Variants in PIK3IP1 observed in about 807,000 individuals in gnomAD.
The protein encoded by PIK3IP1 is phosphoinositide-3-kinase interacting protein 1.
PIK3IP1 carries 28 observed loss-of-function variants against 30.7 expected under a neutral mutation model. The ratio of observed to expected loss-of-function variants is 0.91; its 90% confidence interval spans 0.68 to 1.25. The LOEUF is 1.25. PIK3IP1 is among the 50% of genes most tolerant of loss of function. The pLI, the probability that PIK3IP1 is intolerant of heterozygous loss-of-function variation, is 0.00. For synonymous variants in PIK3IP1, 159 were observed against 140.8 expected, an observed-to-expected ratio of 1.13 and a Z score of -0.91; for missense variants, 333 against 346.2, an observed-to-expected ratio of 0.96 and a Z score of 0.30.
chr22:31,290,773 T>A (rs1016556222), intron 3 of PIK3IP1, 192 bp downstream of exon 3: 25 of 777,266 alleles, frequency 3.2e-5, no homozygotes, highest in Non-Finnish European at 4.3e-5. Context: ...TCGCGGCGGA[T>A]GAGCTCATAC....
intron 5 of PIK3IP1, 77 bp from the exon 6 acceptor site, chr22:31,283,365 C>T: frequency 6.7e-7 from 1 of 1,482,114 alleles, no homozygotes; most frequent in Non-Finnish European, 9.3e-7. Flanking sequence ...ATCCCTGAGG[C>T]TCAGCAAGAG....
intron 5 of PIK3IP1, among the ~76,000 whole-genome samples, chr22:31,288,744 G>A (rs1352164665): frequency 1.3e-5 from 2 of 152,216 alleles, no homozygotes; most frequent in African/African-American, 2.4e-5. Flanking sequence ...TTTCTCACAC[G>A]TGGTGAAGAG....
chr22:31,290,940 G>A (rs1167777725), intron 3 of PIK3IP1, 25 bp downstream of exon 3: 25 of 1,546,032 alleles, frequency 1.6e-5, no homozygotes, highest in Admixed American at 2.1e-5. Context: ...CAGGAGCGGG[G>A]ATTCCCGGGG....
chr22:31,289,206 G>A (rs1344512139), intron 5 of PIK3IP1, 109 bp downstream of exon 5: 5 of 1,078,510 alleles, frequency 4.6e-6, no homozygotes, highest in Non-Finnish European at 7.0e-6. Flanking sequence ...TCTACATCTT[G>A]AGCTGATTTT....
At chr22:31,287,627 G>A (rs1412569096) in intron 5 of PIK3IP1, among the ~76,000 whole-genome samples, 1 of 152,046 alleles carries the variant, frequency 6.6e-6, no homozygotes, top group African/African-American at 2.4e-5. Flanking sequence ...ACCACGCCCA[G>A]CCACACATTT....
At chr22:31,289,012 G>A in intron 5 of PIK3IP1, 1 of 514,346 alleles carries the variant, frequency 1.9e-6, no homozygotes, top group Admixed American at 3.6e-5. Flanking sequence ...TATCAAAAGA[G>A]CTGGGTCTGA....
Position 31,289,618 on chromosome 22 carries a change from A to G in PIK3IP1, c.389T>C (p.Val130Ala). 14 of 1,557,198 alleles carry G rather than the reference A, an allele frequency of 9.0e-6. No homozygotes were observed. Among genetic ancestry groups the G allele is most frequent in the Non-Finnish European group, 1.2e-5 (14 of 1,149,470 alleles). Residue 130 changes from valine (V) to alanine (A), a missense_variant, in exon 4 of 6, where the codon GTG becomes GCG. This residue lies in a region of PIK3IP1 where 217 missense variants were observed against 227.7 expected (regional missense o/e 0.95). Coordinates refer to ENST00000215912, the MANE Select transcript of PIK3IP1 (RefSeq NM_052880.5). ...SEGPGADEVQ[V>A]FAPANALPAR... ...GGGCAGGGCGTTGGCAGGAGCGAACACCTGCACCTCATCTGCACCTGGCCC... is the reference window on the plus strand; with the variant it reads ...GGGCAGGGCGTTGGCAGGAGCGAACGCCTGCACCTCATCTGCACCTGGCCC...
At chr22:31,286,131 A>G (rs2049129181) in intron 5 of PIK3IP1, among the ~76,000 whole-genome samples, 1 of 151,858 alleles carries the variant, frequency 6.6e-6, no homozygotes, top group African/African-American at 2.4e-5. Context: ...CGACACAGCG[A>G]GACTCTGTCT....
In PIK3IP1 at chr22:31,282,947, C is replaced by G; in HGVS notation, c.*137G>C. 1 of 679,690 alleles carries G rather than the reference C, an allele frequency of 1.5e-6. No individual in the cohort carries two copies. 42.1% of individuals were successfully genotyped at this position (679,690 alleles called of 1,614,324 possible). On this transcript the variant is annotated 3_prime_UTR_variant, in exon 6 of 6. Transcript: ENST00000215912. ...CCCACAGGGCCACCTGCTTCTGTCA[C>G]TCTTACTAGGATTCGCCAAAAAAGC...
In PIK3IP1 at chr22:31,289,774, G is replaced by A. The variant is rs188287593; in HGVS notation, c.308-75C>T. ...TTCCACAGCTGAACCTGGCCTGAGT[G>A]TTAGGGTAGATGAAGGTGGGTCACC... is the stretch of plus-strand genomic sequence containing the variant. On this transcript the variant is annotated intron_variant, in intron 3 of 5. Transcript: ENST00000215912. 116 of 1,478,930 alleles carry A rather than the reference G, an allele frequency of 7.8e-5. No homozygotes were observed. The East Asian group carries it at 2.4e-3, about 30-fold the overall frequency. The allele number at this position is 1,478,930 out of a possible 1,614,324, so 91.6% of individuals were successfully genotyped here. A position where few individuals can be genotyped will look rare whatever the true frequency, so the allele number is the denominator to read the frequency against.
chr22:31,287,721 ACACC>A lies in PIK3IP1; in HGVS notation c.587+1590_587+1593del, dbSNP rs1385344815. On this transcript the variant is annotated intron_variant, in intron 5 of 5. Coordinates refer to ENST00000215912, the MANE Select transcript of PIK3IP1 (RefSeq NM_052880.5). ...CTAAGTAGTCAAAAGCCATAGCTCC[ACACC>A]ATGATGTGGAGTAGGAAATTGAAGC... is the stretch of plus-strand genomic sequence containing the variant. 2.6e-5 allele frequency among the ~76,000 whole-genome samples: 4 copies of A among 152,162 alleles called. No homozygotes were observed. The East Asian group carries it at 5.8e-4, about 22-fold the overall frequency.
At position 31,289,497 on chromosome 22, in the gene PIK3IP1, A is replaced by G; in HGVS notation, c.508+2T>C. 6.5e-7 allele frequency: 1 copy of G among 1,536,158 alleles called. No individual in the cohort carries two copies. The highest frequency in any genetic ancestry group is 8.8e-7 in the Non-Finnish European group (1 of 1,140,078). ...GAGGGCAGGGGTGGGGGACCGTCAT[A>G]CCCAGAGTTCCCAGGTCCTTTTTCT... is the stretch of plus-strand genomic sequence containing the variant. On this transcript the variant is annotated splice_donor_variant, in intron 4 of 5. Coordinates refer to ENST00000215912, the MANE Select transcript of PIK3IP1 (RefSeq NM_052880.5). LOFTEE classifies it high-confidence loss of function.
At chr22:31,291,356 CGTGGCGGACAGG>C in intron 1 of PIK3IP1, 60 bp from the exon 2 acceptor site, 10 of 1,508,302 alleles carry the variant, frequency 6.6e-6, no homozygotes, top group Non-Finnish European at 9.0e-6. Context: ...AGACGCCCAG[CGTGGCGGACAGG>C]GGAGCCGGGA....
chr22:31,289,214 T>A (rs571542811), intron 5 of PIK3IP1, 101 bp downstream of exon 5: 105 of 1,192,866 alleles, frequency 8.8e-5, no homozygotes, highest in Non-Finnish European at 1.2e-4. Context: ...TTGAGCTGAT[T>A]TTCAACATCT....
At position 31,286,425 on chromosome 22, in the gene PIK3IP1, G is replaced by T. The variant is rs147143565; in HGVS notation, c.587+2890C>A. Among the ~76,000 whole-genome samples, 683 of 152,316 alleles carry T rather than the reference G, an allele frequency of 4.5e-3. 8 individuals are homozygous for T. Among genetic ancestry groups the T allele is most frequent in the Non-Finnish European group, 7.8e-3 (533 of 68,026 alleles). On this transcript the variant is annotated intron_variant, in intron 5 of 5. Transcript: ENST00000215912. Reference sequence around the variant, plus strand: ...ACACTCTGCTCTCTGACTTTAGGAAGAGATGAAGGCTGCAAGCTTGTTTTT... The same window carrying T: ...ACACTCTGCTCTCTGACTTTAGGAATAGATGAAGGCTGCAAGCTTGTTTTT...
Position 31,283,040 on chromosome 22 carries a change from G to C in PIK3IP1, c.*44C>G, listed in dbSNP as rs991683103. The stretch of plus-strand genomic sequence containing the variant: ...CCTCCTAGCTGTAGGAGGGTGGGCT[G>C]TCCTGCACCAGTGTCTGCATGGGCT... On this transcript the variant is annotated 3_prime_UTR_variant, in exon 6 of 6. Transcript: ENST00000215912. The C allele has an allele frequency of 1.3e-6, 2 of 1,490,974 alleles. No homozygotes were observed. Among genetic ancestry groups the C allele is most frequent in the Non-Finnish European group, 1.8e-6 (2 of 1,093,174 alleles). The allele number at this position is 1,490,974 out of a possible 1,614,324, so 92.4% of individuals were successfully genotyped here.
Position 31,282,141 on chromosome 22 carries a change from C to G in PIK3IP1, c.*943G>C, listed in dbSNP as rs1004694829. 2 of 152,284 alleles carry G rather than the reference C, an allele frequency of 1.3e-5. No homozygotes were observed. Among genetic ancestry groups the G allele is most frequent in the East Asian group, 3.8e-4 (2 of 5,202 alleles). The allele number at this position is 152,284 out of a possible 1,614,324, so 9.4% of individuals were successfully genotyped here. A position where few individuals can be genotyped will look rare whatever the true frequency, so the allele number is the denominator to read the frequency against. On this transcript the variant is annotated 3_prime_UTR_variant, in exon 6 of 6. Transcript: ENST00000215912. ...AGGAAGGTGCTGACCTGGACGCCCG[C>G]AGGACCACCTGCTAAATCAGGCCCA... is the stretch of plus-strand genomic sequence containing the variant.
intron 5 of PIK3IP1, among the ~76,000 whole-genome samples, chr22:31,286,990 CAGAG>C (rs200763237): frequency 0.011 from 1,582 of 149,742 alleles, 12 homozygotes; most frequent in Non-Finnish European, 0.016. Context: ...CATAAGAAAT[CAGAG>C]AGTACTAGTC....
chr22:31,292,363 G>C lies in PIK3IP1; in HGVS notation c.-19C>G. ...ACAGCATCCTTGCCTCCTTCGTCTT[G>C]CAGGTGATTGAACGACCAGTGTTTA... On this transcript the variant is annotated 5_prime_UTR_variant, in exon 1 of 6. Coordinates refer to ENST00000215912, the MANE Select transcript of PIK3IP1 (RefSeq NM_052880.5). The C allele has an allele frequency of 1.2e-6, 2 of 1,613,374 alleles. No individual in the cohort carries two copies. Among genetic ancestry groups the C allele is most frequent in the East Asian group, 4.5e-5 (2 of 44,888 alleles).
Sources: allele counts gnomAD v4.1 joint callset (sites outside exome capture counted in the v4.1 genomes callset), GRCh38; gene constraint gnomAD v4.1.1; regional missense constraint gnomAD v4.1.1; transcripts MANE v1.5; gene names NCBI Gene and HGNC (gene_info 2026-07-23, HGNC 2026-07-21).